CFAP77: variants seen among roughly 807,000 people sequenced by gnomAD.
The protein encoded by CFAP77 is cilia and flagella associated protein 77, also known as cilia- and flagella-associated protein 77.
A neutral mutation model predicts 31.1 loss-of-function variants in CFAP77; 25 were observed. The ratio of observed to expected loss-of-function variants is 0.80; its 90% CI spans 0.59 to 1.12. The LOEUF (loss-of-function observed/expected upper bound fraction) is 1.12. CFAP77 is among the 50% of genes most tolerant of loss of function. The pLI, the probability that CFAP77 is intolerant of heterozygous loss-of-function variation, is 0.00. For synonymous variants in CFAP77, 151 were observed against 159.9 expected, an observed-to-expected ratio of 0.94 and a Z score of 0.42; for missense variants, 377 against 397.3, an observed-to-expected ratio of 0.95 and a Z score of 0.44.
In CFAP77 at chr9:132,490,475, C is replaced by T. The variant is rs1324281142; in HGVS notation, c.196-8220C>T. Among the ~76,000 whole-genome samples the T allele has an allele frequency of 6.6e-6, 1 of 152,074 alleles. No homozygotes were observed. The highest frequency in any genetic ancestry group is 1.9e-4 in the East Asian group (1 of 5,178). On this transcript the variant is annotated intron_variant, in intron 1 of 5. Coordinates refer to ENST00000393216, the MANE Select transcript of CFAP77 (RefSeq NM_001282957.2). The surrounding 1 kb of genome is among the most constrained non-coding windows in gnomAD (Gnocchi z 4.6). ...GGTTCTTAACAGGCTTCACACAGCC[C>T]CTCTGAGGTGCCCAGAGACCCGCCA...
At chr9:132,414,833 G>T (rs908081284) in intron 1 of CFAP77, among the ~76,000 whole-genome samples, 1 of 152,150 alleles carries the variant, frequency 6.6e-6, no homozygotes, top group Non-Finnish European at 1.5e-5. Flanking sequence ...ACGAGGAAGC[G>T]TTTATTTAGA....
intron 1 of CFAP77, among the ~76,000 whole-genome samples, chr9:132,458,287 G>C (rs895050881): frequency 7.4e-6 from 1 of 134,876 alleles, no homozygotes; most frequent in East Asian, 2.5e-4. Context: ...CGGTCGCAGC[G>C]ACAAGCTTTT....
At chr9:132,449,065 GCTTCACAGA>G (rs1318641834) in intron 1 of CFAP77, among the ~76,000 whole-genome samples, 1 of 152,186 alleles carries the variant, frequency 6.6e-6, no homozygotes, top group Non-Finnish European at 1.5e-5. Context: ...GTCAGAGAAA[GCTTCACAGA>G]GGGGGCCAGT....
intron 1 of CFAP77, among the ~76,000 whole-genome samples, chr9:132,489,302 TC>T (rs1851615942): frequency 6.6e-6 from 1 of 152,196 alleles, no homozygotes; most frequent in Non-Finnish European, 1.5e-5. Context: ...GAGCCTCGAC[TC>T]CTTGCTAGTT....
At chr9:132,437,154 G>C (rs1011810325) in intron 1 of CFAP77, among the ~76,000 whole-genome samples, 4 of 152,194 alleles carry the variant, frequency 2.6e-5, no homozygotes, top group African/African-American at 9.7e-5. Flanking sequence ...GACAGTTCCT[G>C]TCATCATGAG....
chr9:132,420,249 A>G (rs1850188727), intron 1 of CFAP77, among the ~76,000 whole-genome samples: 1 of 151,590 alleles, frequency 6.6e-6, no homozygotes, highest in Non-Finnish European at 1.5e-5. Flanking sequence ...GGGGCTTTCC[A>G]GGCAGCGCAG....
intron 5 of CFAP77, 117 bp downstream of exon 5, chr9:132,543,164 C>A: frequency 2.7e-6 from 2 of 752,364 alleles, no homozygotes; most frequent in South Asian, 1.6e-5. Flanking sequence ...ATTAGTACAA[C>A]AGCCGCAGCA....
chr9:132,548,753 G>A (rs2119077615), intron 5 of CFAP77, among the ~76,000 whole-genome samples: 1 of 129,728 alleles, frequency 7.7e-6, no homozygotes, highest in East Asian at 2.2e-4. Flanking sequence ...CCTTGTCTCT[G>A]TACACTTCCA....
intron 3 of CFAP77, among the ~76,000 whole-genome samples, chr9:132,533,718 TA>T (rs951522711): frequency 2.0e-5 from 3 of 152,036 alleles, no homozygotes; most frequent in Non-Finnish European, 4.4e-5. Flanking sequence ...CCATCTCTTC[TA>T]AAAATGCAAA....
chr9:132,447,703 CTTCAGACACCTAGCGCAATGTATA>C (rs1850750473), intron 1 of CFAP77, among the ~76,000 whole-genome samples: 1 of 152,244 alleles, frequency 6.6e-6, no homozygotes, highest in Non-Finnish European at 1.5e-5. Context: ...AACGCGGGGA[CTTCAGACACCTAGCGCAATGTATA>C]TGTTGAAAGA....
chr9:132,496,082 C>A (rs1478868209), intron 1 of CFAP77, among the ~76,000 whole-genome samples: 1 of 152,174 alleles, frequency 6.6e-6, no homozygotes, highest in Non-Finnish European at 1.5e-5. Flanking sequence ...ATCTATTCTA[C>A]ACTGAGGCCT....
At chr9:132,537,820 T>TG in intron 4 of CFAP77, 114 bp downstream of exon 4, 1 of 756,730 alleles carries the variant, frequency 1.3e-6, no homozygotes. Context: ...TGGGGATGAG[T>TG]GGGAAATCAG....
rs2118936126 is a variant in CFAP77 at position 132,490,326 on chromosome 9, T to A, written c.196-8369T>A. Among the ~76,000 whole-genome samples the A allele has an allele frequency of 6.6e-6, 1 of 152,216 alleles. No individual in the cohort carries two copies. The highest frequency in any genetic ancestry group is 2.1e-4 in the South Asian group (1 of 4,816). On this transcript the variant is annotated intron_variant, in intron 1 of 5. Coordinates refer to ENST00000393216, the MANE Select transcript of CFAP77 (RefSeq NM_001282957.2). This position sits in a 1 kb window ranked among gnomAD's most constrained non-coding sequence, Gnocchi z 4.6. ...GACCATAGCACCATGGAAAAGCAGG[T>A]GACCGTCAAGCCTCAGGTGGCCCCT...
At chr9:132,437,415 A>G (rs2131697839) in intron 1 of CFAP77, among the ~76,000 whole-genome samples, 1 of 152,158 alleles carries the variant, frequency 6.6e-6, no homozygotes, top group East Asian at 1.9e-4. Flanking sequence ...GGCAAGGCTG[A>G]AGGAAAGAGT....
At chr9:132,415,575 G>A (rs868712909) in intron 1 of CFAP77, among the ~76,000 whole-genome samples, 1 of 152,210 alleles carries the variant, frequency 6.6e-6, no homozygotes, top group Non-Finnish European at 1.5e-5. Context: ...TTCCTATTAC[G>A]TGGCTCTCAG....
Position 132,490,345 on chromosome 9 carries a change from G to A in CFAP77, c.196-8350G>A, listed in dbSNP as rs189436480. ...AGCAGGTGACCGTCAAGCCTCAGGT[G>A]GCCCCTGTGTTTTGATGGCAGCTGA... On this transcript the variant is annotated intron_variant, in intron 1 of 5. Transcript: ENST00000393216. This position sits in a 1 kb window ranked among gnomAD's most constrained non-coding sequence, Gnocchi z 4.6. 7.9e-5 allele frequency among the ~76,000 whole-genome samples: 12 copies of A among 152,274 alleles called. No individual in the cohort carries two copies. The highest frequency in any genetic ancestry group is 5.9e-5 in the Non-Finnish European group (4 of 68,014).
intron 1 of CFAP77, among the ~76,000 whole-genome samples, chr9:132,450,130 T>C (rs182977851): frequency 2.8e-4 from 42 of 151,844 alleles, no homozygotes; most frequent in Admixed American, 9.2e-4. Flanking sequence ...CGGGGTTTCA[T>C]CGTGGTAGCC....
At chr9:132,416,498 G>C (rs902235066) in intron 1 of CFAP77, among the ~76,000 whole-genome samples, 3 of 151,078 alleles carry the variant, frequency 2.0e-5, no homozygotes, top group African/African-American at 7.3e-5. Context: ...GTGCCACCAC[G>C]CCCAGCTAAT....
rs1465185899 is a variant in CFAP77 at position 132,424,910 on chromosome 9, A to G, written c.195+14444A>G. Among the ~76,000 whole-genome samples, 1 of 152,144 alleles carries G rather than the reference A, an allele frequency of 6.6e-6. No homozygotes were observed. Among genetic ancestry groups the G allele is most frequent in the African/African-American group, 2.4e-5 (1 of 41,424 alleles). ...TTCTTCTCCCCACCTCCCTAATCAG[A>G]GAGAGCAAATTGTTATCAGATTAGC... On this transcript the variant is annotated intron_variant, in intron 1 of 5. Coordinates refer to ENST00000393216, the MANE Select transcript of CFAP77 (RefSeq NM_001282957.2). The surrounding 1 kb of genome is among the most constrained non-coding windows in gnomAD (Gnocchi z 4.1).
Sources: gnomAD v4.1 joint callset for allele counts (sites outside exome capture counted in the v4.1 genomes callset) on GRCh38, gnomAD v4.1.1 for gene constraint, Gnocchi (gnomAD v3.1) non-coding constraint, MANE v1.5 for transcripts, NCBI Gene and HGNC (gene_info 2026-07-23, HGNC 2026-07-21) for gene names.